The following TESPA1 variants were observed in gnomAD, a reference collection of about 807,000 sequenced individuals.
TESPA1 encodes thymocyte expressed, positive selection associated 1.
In TESPA1, 33 loss-of-function variants were observed where a neutral mutation model predicts 57.9. The observed-to-expected ratio is 0.57, with a 90% CI of 0.43 to 0.76. The LOEUF (loss-of-function observed/expected upper bound fraction) is 0.76. TESPA1 is among the 30% of genes least tolerant of loss of function. The probability of loss-of-function intolerance (pLI) is 0.00; values close to 1 mark genes in which losing one functional copy is unlikely to be tolerated. For synonymous variants in TESPA1, 227 were observed against 228.9 expected (o/e 0.99, Z 0.07); for missense variants, 618 against 632.9 (o/e 0.98, Z 0.25).
chr12:54,968,136 A>G, intron 3 of TESPA1: 2 of 799,868 alleles, frequency 2.5e-6, no homozygotes, highest in Non-Finnish European at 3.8e-6. Flanking sequence ...TCCTGGCCAC[A>G]GGACTAAAGG....
In TESPA1 at chr12:54,963,829, AG is replaced by A; in HGVS notation, c.567del (p.Ser190LeufsTer12). The A allele has an allele frequency of 6.2e-7, 1 of 1,613,926 alleles. No homozygotes were observed. Among genetic ancestry groups the A allele is most frequent in the Non-Finnish European group, 8.5e-7 (1 of 1,179,858 alleles). ...TGGAAATCAATGCCCTTGGCCTGAG[AG>A]GGGGTGGTGAAAAATCGGGCGGGTA... ...SRIPARFFTT[P>X]SQAKGIDFQL... On this transcript the variant is annotated frameshift_variant, in exon 8 of 11. Transcript: ENST00000449076. LOFTEE classifies it high-confidence loss of function.
chr12:54,965,596 G>T (rs1951376594), intron 7 of TESPA1, among the ~76,000 whole-genome samples: 1 of 152,172 alleles, frequency 6.6e-6, no homozygotes, highest in Non-Finnish European at 1.5e-5. Flanking sequence ...TATCACTGAT[G>T]GGCAGCTGGG....
intron 2 of TESPA1, 29 bp downstream of exon 2, chr12:54,974,371 T>C (rs796605645): frequency 6.4e-7 from 1 of 1,553,276 alleles, no homozygotes; most frequent in African/African-American, 1.4e-5. Flanking sequence ...CCAGACAACA[T>C]AGACGCCTGT....
chr12:54,979,591 C>A (rs1952242594), intron 1 of TESPA1, among the ~76,000 whole-genome samples: 1 of 152,136 alleles, frequency 6.6e-6, no homozygotes, highest in African/African-American at 2.4e-5. Flanking sequence ...AGATATAATT[C>A]TTGTTCTGAG....
chr12:54,984,079 C>T (rs1051321629), intron 1 of TESPA1: 5 of 152,154 alleles, frequency 3.3e-5, no homozygotes, highest in Non-Finnish European at 5.9e-5. Flanking sequence ...TCTACAGCTT[C>T]TGAAGAAAGA....
intron 3 of TESPA1, among the ~76,000 whole-genome samples, chr12:54,971,922 A>G (rs1026356024): frequency 2.0e-5 from 3 of 152,156 alleles, no homozygotes; most frequent in African/African-American, 2.4e-5. Flanking sequence ...ATAGGTAGGT[A>G]TAAACTCCTC....
chr12:54,983,696 C>T (rs1188252257), intron 1 of TESPA1, among the ~76,000 whole-genome samples: 1 of 152,150 alleles, frequency 6.6e-6, no homozygotes, highest in East Asian at 1.9e-4. Context: ...GCCCTGGGGA[C>T]CCACCCTTTT....
upstream of TESPA1, among the ~76,000 whole-genome samples, chr12:54,984,994 G>C (rs542467555): frequency 6.6e-6 from 1 of 152,326 alleles, no homozygotes; most frequent in South Asian, 2.1e-4. Context: ...GGTGTGTGCA[G>C]GAGTCTTCCT....
intron 1 of TESPA1, among the ~76,000 whole-genome samples, chr12:54,983,254 G>A (rs964444711): frequency 4.6e-5 from 7 of 152,238 alleles, no homozygotes; most frequent in Middle Eastern, 3.4e-3. Flanking sequence ...TGTTGGTAGC[G>A]TGGTTGTAAA....
chr12:54,960,984 G>C (rs1187247348), intron 10 of TESPA1, among the ~76,000 whole-genome samples, 184 bp downstream of exon 10: 6 of 152,048 alleles, frequency 3.9e-5, no homozygotes, highest in African/African-American at 1.2e-4. Context: ...CATTGATCTA[G>C]AGAGGTATTT....
At chr12:54,966,276 G>A in intron 6 of TESPA1, 112 bp downstream of exon 6, 3 of 1,583,528 alleles carry the variant, frequency 1.9e-6, no homozygotes, top group Non-Finnish European at 2.6e-6. Flanking sequence ...TCGTTGGAAA[G>A]TCTCACTCTC....
In TESPA1 at chr12:54,974,519, C is replaced by T. The variant is rs202144033; in HGVS notation, c.44G>A (p.Arg15Gln). ...GTTACGGCTCTGACGGAGCCAGGCC[C>T]GCCGTTTCTCCCAGGATGTGGGGCT... is the stretch of plus-strand genomic sequence containing the variant. ...VLSPTSWEKRRAWLRQSRNWQ... is the reference protein window; with the variant it reads ...VLSPTSWEKRQAWLRQSRNWQ... Residue 15 changes from arginine (R) to glutamine (Q), a missense_variant, in exon 2 of 11, where the codon CGG becomes CAG. By Grantham distance (43) the Arg-to-Gln change is conservative. Coordinates refer to ENST00000449076, the MANE Select transcript of TESPA1 (RefSeq NM_001136030.3). 1.2e-4 allele frequency: 193 copies of T among 1,600,074 alleles called. 2 individuals are homozygous for T. Among genetic ancestry groups the T allele is most frequent in the South Asian group, 6.7e-4 (59 of 88,284 alleles).
At position 54,974,409 on chromosome 12, in the gene TESPA1, A is replaced by G; in HGVS notation, c.154T>C (p.Phe52Leu). Residue 52 changes from phenylalanine to leucine, a missense_variant, in exon 2 of 11, where the codon TTC becomes CTC. Coordinates refer to ENST00000449076, the MANE Select transcript of TESPA1 (RefSeq NM_001136030.3). ...DPEPSSLDDVFQEGNPINKIE... is the reference protein window; with the variant it reads ...DPEPSSLDDVLQEGNPINKIE... ...GATGTTCGTCTCTTACCTTCTTGGA[A>G]AACGTCATCCAGGCTGGAAGGCTCA... The G allele has an allele frequency of 6.2e-7, 1 of 1,604,944 alleles. No homozygotes were observed. Among genetic ancestry groups the G allele is most frequent in the Non-Finnish European group, 8.5e-7 (1 of 1,176,142 alleles).
At chr12:54,955,346 T>C (rs1950667573) in intron 10 of TESPA1, among the ~76,000 whole-genome samples, 1 of 152,204 alleles carries the variant, frequency 6.6e-6, no homozygotes, top group African/African-American at 2.4e-5. Context: ...CCCTTTGAAA[T>C]GTAATTATCA....
intron 4 of TESPA1, 119 bp downstream of exon 4, chr12:54,967,724 C>T: frequency 4.9e-6 from 6 of 1,219,182 alleles, no homozygotes; most frequent in South Asian, 2.9e-5. Flanking sequence ...TTTAAGAACA[C>T]TCAGGGACTC....
upstream of TESPA1, among the ~76,000 whole-genome samples, chr12:54,985,127 T>C (rs1952439781): frequency 2.6e-5 from 4 of 152,228 alleles, no homozygotes; most frequent in Non-Finnish European, 5.9e-5. Context: ...AAGTTTCCAG[T>C]CGTATCACAC....
Position 54,969,025 on chromosome 12 carries a change from A to G in TESPA1, c.207-1133T>C, listed in dbSNP as rs200158398. On this transcript the variant is annotated intron_variant, in intron 3 of 10. Transcript: ENST00000449076. ...AGTCACTACATATTTATATATGTAT[A>G]TATATATATATATATATATATGTGT... Among the ~76,000 whole-genome samples, 784 of 84,246 alleles carry G rather than the reference A, an allele frequency of 9.3e-3. 24 individuals carry two copies. The highest frequency in any genetic ancestry group is 0.046 in the African/African-American group (622 of 13,382). 55.3% of individuals were successfully genotyped at this position (84,246 alleles called of 152,430 possible). A position where few individuals can be genotyped will look rare whatever the true frequency, so the allele number is the denominator to read the frequency against.
rs1296441335 is a variant in TESPA1 at position 54,967,233 on chromosome 12, A to G, written c.260T>C (p.Phe87Ser). ...EEAGQFIYNG[F>S]CSHGTSFEDD... ...TTCAAAGCTGGTCCCATGGCTGCAG[A>G]AGCCTGTCCAATAATCAGGTGAGGG... The change falls in exon 5 of 11, where the codon TTC becomes TCC. Residue 87 changes from phenylalanine (F) to serine (S), a missense_variant. Around this residue, in one of 3 missense-constraint regions of TESPA1, gnomAD observed 199 missense variants for 184.0 expected, o/e 1.08. Coordinates refer to ENST00000449076, the MANE Select transcript of TESPA1 (RefSeq NM_001136030.3). 1.2e-6 allele frequency: 2 copies of G among 1,612,604 alleles called. No homozygotes were observed. Among genetic ancestry groups the G allele is most frequent in the Non-Finnish European group, 1.7e-6 (2 of 1,179,500 alleles).
chr12:54,964,027 A>G, intron 7 of TESPA1, 77 bp from the exon 8 acceptor site: 5 of 1,411,048 alleles, frequency 3.5e-6, no homozygotes. Flanking sequence ...ATATCTAATA[A>G]AAGTGTCAGA....
Sources: gnomAD v4.1 joint callset for allele counts (sites outside exome capture counted in the v4.1 genomes callset) on GRCh38, gnomAD v4.1.1 for gene constraint, gnomAD v4.1.1 regional missense constraint, MANE v1.5 for transcripts, NCBI Gene and HGNC (gene_info 2026-07-23, HGNC 2026-07-21) for gene names.